ADAMTS19: variants seen among roughly 807,000 people sequenced by gnomAD.
ADAMTS19 encodes A disintegrin and metalloproteinase with thrombospondin motifs 19.
In ADAMTS19, 93 loss-of-function variants were observed where a neutral mutation model predicts 153.3. That is an observed-to-expected ratio of 0.61 (90% confidence interval 0.51 to 0.72). ADAMTS19 has a LOEUF of 0.72. Among genes scored for constraint, ADAMTS19 ranks in the 30% least tolerant of loss-of-function variants. The pLI is 0.00. For synonymous variants in ADAMTS19, 600 were observed against 556.6 expected (o/e 1.08, Z -1.10); for missense variants, 1,482 against 1,552.1 (o/e 0.95, Z 0.76).
chr5:129,698,352 T>C (rs1175092900), intron 19 of ADAMTS19, among the ~76,000 whole-genome samples: 1 of 152,180 alleles, frequency 6.6e-6, no homozygotes, highest in Non-Finnish European at 1.5e-5. Context: ...CTCCTGTCTT[T>C]CCCCTTTCTC....
chr5:129,601,860 C>G (rs1446205383), intron 8 of ADAMTS19, among the ~76,000 whole-genome samples: 2 of 151,030 alleles, frequency 1.3e-5, no homozygotes, highest in Non-Finnish European at 2.9e-5. Flanking sequence ...CCATTCCCTC[C>G]TGAGGTTAAC....
chr5:129,701,343 A>T, intron 19 of ADAMTS19, 45 bp from the exon 20 acceptor site: 1 of 1,598,336 alleles, frequency 6.3e-7, no homozygotes, highest in South Asian at 1.1e-5. Flanking sequence ...ACAAGTAGAT[A>T]GGTATCTTTT....
intron 7 of ADAMTS19, among the ~76,000 whole-genome samples, chr5:129,562,933 G>A (rs761780526): frequency 6.6e-6 from 1 of 151,768 alleles, no homozygotes; most frequent in Non-Finnish European, 1.5e-5. Flanking sequence ...TCTTCTCTAT[G>A]CTTCTGAATA....
At chr5:129,593,190 C>T (rs1208714402) in intron 7 of ADAMTS19, among the ~76,000 whole-genome samples, 2 of 152,084 alleles carry the variant, frequency 1.3e-5, no homozygotes, top group Non-Finnish European at 2.9e-5. Flanking sequence ...CTTCTAAACC[C>T]AAATCTCTCT....
At chr5:129,579,835 A>T (rs551872777) in intron 7 of ADAMTS19, among the ~76,000 whole-genome samples, 1 of 151,984 alleles carries the variant, frequency 6.6e-6, no homozygotes, top group Non-Finnish European at 1.5e-5. Context: ...TTTGATTACT[A>T]TAGCCTTCTA....
chr5:129,629,901 A>G (rs998211425), intron 10 of ADAMTS19, among the ~76,000 whole-genome samples: 130 of 152,218 alleles, frequency 8.5e-4, no homozygotes, highest in African/African-American at 3.1e-3. Context: ...AGAAATAGTA[A>G]GAAGTGGCCC....
At chr5:129,567,171 C>G (rs1211887999) in intron 7 of ADAMTS19, among the ~76,000 whole-genome samples, 1 of 151,968 alleles carries the variant, frequency 6.6e-6, no homozygotes, top group Non-Finnish European at 1.5e-5. Flanking sequence ...ACAATTTAAC[C>G]AAGACACGCA....
At chr5:129,486,664 T>C (rs1750603303) in intron 2 of ADAMTS19, among the ~76,000 whole-genome samples, 2 of 152,060 alleles carry the variant, frequency 1.3e-5, no homozygotes, top group Admixed American at 6.6e-5. Flanking sequence ...CTTCCCCCTA[T>C]TATGAGAAAT....
intron 6 of ADAMTS19, among the ~76,000 whole-genome samples, chr5:129,533,349 C>T (rs1458767172): frequency 1.3e-5 from 2 of 152,066 alleles, no homozygotes; most frequent in African/African-American, 2.4e-5. Flanking sequence ...TCTCATTTAA[C>T]TTGTGTATAT....
chr5:129,591,317 G>A (rs1750121788), intron 7 of ADAMTS19, among the ~76,000 whole-genome samples: 2 of 149,484 alleles, frequency 1.3e-5, no homozygotes, highest in South Asian at 2.1e-4. Flanking sequence ...TTCTGAGATG[G>A]AGTCTTGCTC....
intron 7 of ADAMTS19, among the ~76,000 whole-genome samples, chr5:129,584,932 GC>G (rs1404062032): frequency 6.6e-6 from 1 of 152,180 alleles, no homozygotes; most frequent in African/African-American, 2.4e-5. Flanking sequence ...TATTCCAGGT[GC>G]CACTGTGGTA....
At chr5:129,732,928 G>A (rs550223509) in intron 21 of ADAMTS19, among the ~76,000 whole-genome samples, 11 of 152,028 alleles carry the variant, frequency 7.2e-5, no homozygotes, top group South Asian at 2.1e-4. Context: ...CTATAGTAAC[G>A]AAAATAGCAT....
chr5:129,472,081 G>A (rs943984798), intron 2 of ADAMTS19, among the ~76,000 whole-genome samples: 21 of 152,180 alleles, frequency 1.4e-4, no homozygotes, highest in Non-Finnish European at 2.9e-5. Context: ...TAATGGGCTT[G>A]GTGGGTTGAA....
At chr5:129,731,597 A>G (rs1180050644) in intron 21 of ADAMTS19, among the ~76,000 whole-genome samples, 1 of 152,150 alleles carries the variant, frequency 6.6e-6, no homozygotes, top group Non-Finnish European at 1.5e-5. Context: ...ATCATACAAT[A>G]GTACATTAGA....
intron 2 of ADAMTS19, among the ~76,000 whole-genome samples, chr5:129,491,786 C>G (rs1581003057): frequency 6.6e-6 from 1 of 152,162 alleles, no homozygotes; most frequent in Non-Finnish European, 1.5e-5. Flanking sequence ...TCTTTTAATA[C>G]TTTTGTATTG....
intron 21 of ADAMTS19, among the ~76,000 whole-genome samples, chr5:129,733,936 AGTGTGTGCGTGTGTGTGTGTGTGTGTGT>A (rs1309778944): frequency 1.4e-5 from 2 of 143,338 alleles, no homozygotes; most frequent in African/African-American, 5.2e-5. Flanking sequence ...GGATAAAGCA[AGTGTGTGCGTGTGTGTGTGTGTGTGTGT>A]GTGTGTGTGT....
intron 8 of ADAMTS19, among the ~76,000 whole-genome samples, chr5:129,603,312 T>C (rs1325551150): frequency 6.6e-6 from 1 of 152,190 alleles, no homozygotes; most frequent in Non-Finnish European, 1.5e-5. Context: ...GGTCTATACT[T>C]GCATATTTTT....
At chr5:129,630,232 A>G (rs1421171437) in intron 10 of ADAMTS19, among the ~76,000 whole-genome samples, 1 of 152,084 alleles carries the variant, frequency 6.6e-6, no homozygotes, top group Non-Finnish European at 1.5e-5. Flanking sequence ...CACCAACCTA[A>G]TATTATGAAG....
chr5:129,544,711 T>C lies in ADAMTS19; in HGVS notation c.1329-7153T>C, dbSNP rs773246889. Among the ~76,000 whole-genome samples the C allele has an allele frequency of 2.6e-5, 4 of 152,258 alleles. No individual in the cohort carries two copies. The Middle Eastern group carries it at 0.01, about 388-fold the overall frequency. Reference sequence around the variant, plus strand: ...ACTAAAAAAATCTAGGTTTTTATGTTTTAATGAGTCTGTGCAAAGTGGGGA... The same window carrying C: ...ACTAAAAAAATCTAGGTTTTTATGTCTTAATGAGTCTGTGCAAAGTGGGGA... On this transcript the variant is annotated intron_variant, in intron 6 of 22. Transcript: ENST00000274487.
Sources: gnomAD v4.1 joint callset for allele counts (sites outside exome capture counted in the v4.1 genomes callset) on GRCh38, gnomAD v4.1.1 for gene constraint, MANE v1.5 for transcripts, NCBI Gene and HGNC (gene_info 2026-07-23, HGNC 2026-07-21) for gene names.